GAS7: variants seen among roughly 807,000 people sequenced by gnomAD.
GAS7 encodes the protein growth arrest specific 7, also known as growth arrest-specific protein 7.
In GAS7, 28 loss-of-function variants were observed where a neutral mutation model predicts 71.1. The observed-to-expected ratio is 0.39, with a 90% CI of 0.29 to 0.54. The LOEUF (loss-of-function observed/expected upper bound fraction) is 0.54, where lower values mean the gene tolerates loss of function less well. GAS7 is among the 20% of genes least tolerant of loss of function. The pLI is 0.62. For synonymous variants in GAS7, 258 were observed against 245.8 expected, an observed-to-expected ratio of 1.05 and a Z score of -0.46; for missense variants, 436 against 627.8, an observed-to-expected ratio of 0.69 and a Z score of 3.27.
intron 1 of GAS7, among the ~76,000 whole-genome samples, chr17:10,098,110 C>G (rs2073662133): frequency 6.6e-6 from 1 of 152,072 alleles, no homozygotes; most frequent in Admixed American, 6.5e-5. Flanking sequence ...GGGGTGTCCC[C>G]AAACTTCTGT....
At chr17:10,020,113 C>T (rs915291639) in intron 1 of GAS7, 107 of 522,242 alleles carry the variant, frequency 2.0e-4, no homozygotes, top group Non-Finnish European at 3.4e-4. Context: ...AGCCCCTGCA[C>T]AGAGGACAGC....
intron 1 of GAS7, among the ~76,000 whole-genome samples, chr17:10,152,150 G>A (rs948260887): frequency 6.6e-6 from 1 of 152,174 alleles, no homozygotes; most frequent in African/African-American, 2.4e-5. Flanking sequence ...CAACTAGAGA[G>A]CCACTGGTAA....
Position 10,096,897 on chromosome 17 carries a change from T to C in GAS7, c.184-77000A>G, listed in dbSNP as rs78329258. Among the ~76,000 whole-genome samples the C allele has an allele frequency of 5.0e-3, 757 of 152,376 alleles. 36 individuals carry two copies. The East Asian group carries it at 0.13, about 26-fold the overall frequency. On this transcript the variant is annotated intron_variant, in intron 1 of 13. Transcript: ENST00000432992. ...CCATACTGGGCTGGTTTTCTAGCCT[T>C]TGCAATAGAAAGGGTCCCATCCGAG...
In GAS7 at chr17:9,916,476, C is replaced by T. The variant is rs1387943490; in HGVS notation, c.*752G>A. ...GGCAGGGTGGGGGCAGGGGCCTCCC[C>T]GAGGAAGCAGCTGGGGGAAGGATGG... On this transcript the variant is annotated 3_prime_UTR_variant, in exon 14 of 14. Coordinates refer to ENST00000432992, the MANE Select transcript of GAS7 (RefSeq NM_201433.2). The T allele has an allele frequency of 8.5e-6, 2 of 234,344 alleles. No homozygotes were observed. The highest frequency in any genetic ancestry group is 1.7e-5 in the Non-Finnish European group (2 of 118,534). 14.5% of individuals were successfully genotyped at this position (234,344 alleles called of 1,614,324 possible).
intron 1 of GAS7, among the ~76,000 whole-genome samples, chr17:10,125,117 G>C (rs1320876393): frequency 2.0e-5 from 3 of 150,642 alleles, no homozygotes; most frequent in Non-Finnish European, 4.4e-5. Context: ...CCATCATAAG[G>C]GGATTGCAAA....
At chr17:10,033,888 A>C (rs1431164412) in intron 1 of GAS7, among the ~76,000 whole-genome samples, 1 of 152,168 alleles carries the variant, frequency 6.6e-6, no homozygotes, top group East Asian at 1.9e-4. Context: ...GATTCTAATC[A>C]AAGACTTCTG....
chr17:9,954,521 C>T (rs2152108208), intron 5 of GAS7, among the ~76,000 whole-genome samples: 4 of 151,956 alleles, frequency 2.6e-5, no homozygotes, highest in Middle Eastern at 3.4e-3. Flanking sequence ...GCAGCATAGT[C>T]AAGAGGGGAT....
At position 9,964,546 on chromosome 17, in the gene GAS7, G is replaced by A. The variant is rs536624457; in HGVS notation, c.471+5131C>T. On this transcript the variant is annotated intron_variant, in intron 4 of 13. Transcript: ENST00000432992. ...CCCCTTGCTGCCTCCAGGCATCCAC[G>A]ATGCTATTCCCTCCCCTGGAAAGCT... 6.6e-5 allele frequency among the ~76,000 whole-genome samples: 10 copies of A among 152,240 alleles called. No individual in the cohort carries two copies. The South Asian group carries it at 1.0e-3, about 16-fold the overall frequency.
chr17:10,061,034 C>T (rs1181008533), intron 1 of GAS7, among the ~76,000 whole-genome samples: 8 of 152,172 alleles, frequency 5.3e-5, no homozygotes, highest in African/African-American at 1.9e-4. Context: ...TAGAGAGTGG[C>T]CTTGGCTGTG....
Position 10,018,347 on chromosome 17 carries a change from G to A in GAS7, c.304+1430C>T, listed in dbSNP as rs77899230. On this transcript the variant is annotated intron_variant, in intron 2 of 13. Transcript: ENST00000432992. ...GAGTAGCTTATTTGGGACAATAACG[G>A]ATCCAAATTATTCATATCCCCTAGC... Among the ~76,000 whole-genome samples, 289 of 152,238 alleles carry A rather than the reference G, an allele frequency of 1.9e-3. 3 individuals carry two copies. Among genetic ancestry groups the A allele is most frequent in the African/African-American group, 6.4e-3 (266 of 41,542 alleles).
chr17:10,112,248 A>G (rs1000060032), intron 1 of GAS7, among the ~76,000 whole-genome samples: 4 of 152,248 alleles, frequency 2.6e-5, no homozygotes, highest in Non-Finnish European at 5.9e-5. Context: ...GAAGACACAC[A>G]GCGAGGGATG....
intron 5 of GAS7, among the ~76,000 whole-genome samples, chr17:9,948,410 C>A (rs1445905888): frequency 6.6e-6 from 1 of 152,204 alleles, no homozygotes; most frequent in South Asian, 2.1e-4. Flanking sequence ...GGGGGCCGGG[C>A]ACGGCAGTTC....
intron 1 of GAS7, among the ~76,000 whole-genome samples, chr17:10,032,122 A>C (rs1597727488): frequency 6.6e-6 from 1 of 151,796 alleles, no homozygotes; most frequent in Non-Finnish European, 1.5e-5. Context: ...AAAAAAAAAA[A>C]AAAAAAAACC....
chr17:9,923,211 C>T (rs894776727), intron 11 of GAS7, among the ~76,000 whole-genome samples: 5 of 149,420 alleles, frequency 3.3e-5, no homozygotes, highest in African/African-American at 4.9e-5. Context: ...CCGGCCTTCA[C>T]TATTTTAAAA....
intron 1 of GAS7, among the ~76,000 whole-genome samples, chr17:10,181,992 T>C (rs2074420357): frequency 6.6e-6 from 1 of 152,216 alleles, no homozygotes. Flanking sequence ...AGTTACCCTA[T>C]ATGGTCTGAA....
chr17:10,125,878 C>T (rs917242885), intron 1 of GAS7, among the ~76,000 whole-genome samples: 2 of 152,178 alleles, frequency 1.3e-5, no homozygotes, highest in African/African-American at 2.4e-5. Context: ...CCCTTCCACT[C>T]CTCTCTACCC....
Position 10,128,870 on chromosome 17 carries a change from A to G in GAS7, c.183+69338T>C, listed in dbSNP as rs553988468. Among the ~76,000 whole-genome samples the G allele has an allele frequency of 9.2e-5, 14 of 151,916 alleles. No individual in the cohort carries two copies. The South Asian group carries it at 2.9e-3, about 32-fold the overall frequency. Reference sequence around the variant, plus strand: ...TCCTGACCTCCCTCGTGATCTGCCCACCTCGGCCTCCCAAAGTGCTGGGAT... The same window carrying G: ...TCCTGACCTCCCTCGTGATCTGCCCGCCTCGGCCTCCCAAAGTGCTGGGAT... On this transcript the variant is annotated intron_variant, in intron 1 of 13. Transcript: ENST00000432992.
intron 1 of GAS7, among the ~76,000 whole-genome samples, chr17:10,175,189 T>C (rs2074364370): frequency 6.8e-6 from 1 of 146,720 alleles, no homozygotes; most frequent in Non-Finnish European, 1.5e-5. Context: ...AAGTGAACTA[T>C]ATAACCCTTC....
At chr17:9,970,395 C>T (rs1200514241) in intron 3 of GAS7, among the ~76,000 whole-genome samples, 7 of 152,066 alleles carry the variant, frequency 4.6e-5, no homozygotes, top group Non-Finnish European at 1.0e-4. Context: ...TTTGTGAGGC[C>T]GAGGTGGGCG....
Sources: allele counts gnomAD v4.1 joint callset (sites outside exome capture counted in the v4.1 genomes callset), GRCh38; gene constraint gnomAD v4.1.1; transcripts MANE v1.5; gene names NCBI Gene and HGNC (gene_info 2026-07-23, HGNC 2026-07-21).